Variants in GATB observed in about 807,000 individuals in gnomAD.
GATB encodes glutamyl-tRNA(Gln) amidotransferase subunit B, mitochondrial.
GATB carries 39 observed loss-of-function variants against 62.3 expected under a neutral mutation model. The ratio of observed to expected loss-of-function variants is 0.63; its 90% CI spans 0.48 to 0.82. GATB has a LOEUF of 0.82. Ranked by LOEUF, GATB falls within the 40% of genes least tolerant of loss-of-function variation. GATB has a pLI of 0.00. For synonymous variants in GATB, 276 were observed against 258.9 expected, an observed-to-expected ratio of 1.07 and a Z score of -0.63; for missense variants, 670 against 684.0, an observed-to-expected ratio of 0.98 and a Z score of 0.23.
chr4:151,721,739 C>G (rs1221380484), intron 2 of GATB: 1 of 156,822 alleles, frequency 6.4e-6, no homozygotes, highest in African/African-American at 2.4e-5. Flanking sequence ...GCTTCTTTGC[C>G]CCTGGGACCA....
At chr4:151,751,982 C>T (rs1739729513) in intron 2 of GATB, among the ~76,000 whole-genome samples, 1 of 152,154 alleles carries the variant, frequency 6.6e-6, no homozygotes, top group Non-Finnish European at 1.5e-5. Flanking sequence ...CCAGCAGGTT[C>T]CTGGGGTAAT....
chr4:151,695,930 A>ATTTTTTTTTTTTT (rs57028979), intron 9 of GATB, among the ~76,000 whole-genome samples: 25 of 122,848 alleles, frequency 2.0e-4, no homozygotes, highest in Non-Finnish European at 2.7e-4. Context: ...GCTAATTTAA[A>ATTTTTTTTTTTTT]TTTTTTTTTT....
chr4:151,738,013 G>T (rs1199677007), intron 2 of GATB, among the ~76,000 whole-genome samples: 1 of 152,148 alleles, frequency 6.6e-6, no homozygotes, highest in Non-Finnish European at 1.5e-5. Flanking sequence ...AGAGCCCCCA[G>T]AGCCCCAAGA....
chr4:151,702,780 T>C lies in GATB; in HGVS notation c.1007+1071A>G, dbSNP rs186166566. 1.9e-3 allele frequency among the ~76,000 whole-genome samples: 292 copies of C among 152,316 alleles called. 1 individual carries two copies. The highest frequency in any genetic ancestry group is 0.017 in the Middle Eastern group (5 of 294). On this transcript the variant is annotated intron_variant, in intron 8 of 12. Coordinates refer to ENST00000263985, the MANE Select transcript of GATB (RefSeq NM_004564.3). ...AGCACTAATGGTTACTCTCTGCCCA[T>C]TTTTGTCAAAGGGCTTATGTAGAAA...
chr4:151,699,808 T>C (rs1385780293), intron 9 of GATB, among the ~76,000 whole-genome samples: 1 of 152,162 alleles, frequency 6.6e-6, no homozygotes. Context: ...ATTAATGTTA[T>C]ATATAGTCAA....
Position 151,672,827 on chromosome 4 carries a change from G to C in GATB, c.1480C>G (p.Leu494Val), listed in dbSNP as rs549528028. Residue 494 changes from leucine to valine, a missense_variant, in exon 12 of 13, where the codon CTG (leucine) becomes GTG (valine). By Grantham distance (32) the Leu-to-Val change is conservative. Coordinates refer to ENST00000263985, the MANE Select transcript of GATB (RefSeq NM_004564.3). The part of the protein sequence containing the change: ...GQIVSEKQLE[L>V]MQDQGALEQL... Reference sequence around the variant, plus strand: ...TCCAGTGCCCCCTGGTCCTGCATCAGTTCAAGCTGCTTTTCTGAAACAATC... The same window carrying C: ...TCCAGTGCCCCCTGGTCCTGCATCACTTCAAGCTGCTTTTCTGAAACAATC... 2.5e-6 allele frequency: 4 copies of C among 1,614,206 alleles called. No homozygotes were observed. In the South Asian group the frequency reaches 4.4e-5, roughly 18 times the overall value.
In GATB at chr4:151,680,003, C is replaced by A. The variant is rs187317257; in HGVS notation, c.1332-112G>T. 1.1e-5 allele frequency: 9 copies of A among 846,450 alleles called. No individual in the cohort carries two copies. In the East Asian group the frequency reaches 1.5e-4, roughly 14 times the overall value. 52.4% of individuals were successfully genotyped at this position (846,450 alleles called of 1,614,324 possible). ...CTAGTGGGGGTAAATATCGGACCCA[C>A]GCCTAGGGATGAAAACAGCAGGCCA... is the stretch of plus-strand genomic sequence containing the variant. On this transcript the variant is annotated intron_variant, in intron 10 of 12. Coordinates refer to ENST00000263985, the MANE Select transcript of GATB (RefSeq NM_004564.3).
At chr4:151,673,793 C>T (rs559888173) in intron 11 of GATB, 1 of 152,204 alleles carries the variant, frequency 6.6e-6, no homozygotes, top group Non-Finnish European at 1.5e-5. Context: ...CTCTGTTGGT[C>T]TCCCACCGGT....
intron 2 of GATB, chr4:151,720,694 A>C (rs1369350906): frequency 6.6e-6 from 1 of 152,154 alleles, no homozygotes; most frequent in Non-Finnish European, 1.5e-5. Flanking sequence ...ATTTCAGATT[A>C]AAAAAACAAA....
chr4:151,727,259 C>A (rs147510725), intron 2 of GATB, among the ~76,000 whole-genome samples: 6 of 152,290 alleles, frequency 3.9e-5, no homozygotes, highest in African/African-American at 1.4e-4. Flanking sequence ...ATACTAAGAT[C>A]TGAGATTTAC....
At chr4:151,755,535 T>C (rs1739810059) in intron 2 of GATB, among the ~76,000 whole-genome samples, 1 of 152,246 alleles carries the variant, frequency 6.6e-6, no homozygotes, top group African/African-American at 2.4e-5. Flanking sequence ...GCGAATAAAG[T>C]AGTCAAATTG....
chr4:151,702,194 T>C (rs1295055140), intron 8 of GATB, among the ~76,000 whole-genome samples: 4 of 152,136 alleles, frequency 2.6e-5, no homozygotes, highest in Admixed American at 6.5e-5. Context: ...ATGAGAGCAA[T>C]TTGCTTATTA....
intron 10 of GATB, among the ~76,000 whole-genome samples, chr4:151,686,406 G>A (rs1055148570): frequency 6.6e-6 from 1 of 152,050 alleles, no homozygotes; most frequent in African/African-American, 2.4e-5. Flanking sequence ...ACTTATTTGG[G>A]CAAACAACTG....
At position 151,671,136 on chromosome 4, in the gene GATB, T is replaced by A; in HGVS notation, c.*38A>T. 1 of 1,613,446 alleles carries A rather than the reference T, an allele frequency of 6.2e-7. No individual in the cohort carries two copies. Among genetic ancestry groups the A allele is most frequent in the African/African-American group, 1.3e-5 (1 of 75,044 alleles). ...TCCTGTTCCCAGTCAGGCTGCACTG[T>A]TTGTTGTTGTCCCTTGGGCAAGGGG... On this transcript the variant is annotated 3_prime_UTR_variant, in exon 13 of 13. Coordinates refer to ENST00000263985, the MANE Select transcript of GATB (RefSeq NM_004564.3).
chr4:151,710,754 T>C (rs1186074955), intron 5 of GATB, among the ~76,000 whole-genome samples: 2 of 152,222 alleles, frequency 1.3e-5, no homozygotes, highest in Non-Finnish European at 2.9e-5. Context: ...CATTTGCTGA[T>C]GGCTTCCTTC....
Position 151,671,135 on chromosome 4 carries a change from G to GTT in GATB, c.*37_*38dup. 1.2e-6 allele frequency: 2 copies of GTT among 1,613,128 alleles called. No homozygotes were observed. The highest frequency in any genetic ancestry group is 1.7e-6 in the Non-Finnish European group (2 of 1,179,252). On this transcript the variant is annotated 3_prime_UTR_variant, in exon 13 of 13. Transcript: ENST00000263985. Reference sequence around the variant, plus strand: ...ATCCTGTTCCCAGTCAGGCTGCACTGTTTGTTGTTGTCCCTTGGGCAAGGG... The same window carrying GTT: ...ATCCTGTTCCCAGTCAGGCTGCACTGTTTTTGTTGTTGTCCCTTGGGCAAGGG...
chr4:151,760,917 ACCGTCAAC>A lies in GATB; in HGVS notation c.58_65del (p.Val20TrpfsTer18). 6.2e-7 allele frequency: 1 copy of A among 1,613,942 alleles called. No individual in the cohort carries two copies. The highest frequency in any genetic ancestry group is 1.1e-5 in the South Asian group (1 of 91,016). ...GAGCCCCTCTTCGGTGGCAAGAACC[ACCGTCAAC>A]CCGGGCGAAAGCCCAACGTCTTCCA... On this transcript the variant is annotated frameshift_variant, in exon 1 of 13. Transcript: ENST00000263985. LOFTEE classifies it high-confidence loss of function.
intron 11 of GATB, among the ~76,000 whole-genome samples, chr4:151,678,682 G>A (rs1037334936): frequency 5.9e-5 from 9 of 152,140 alleles, no homozygotes; most frequent in African/African-American, 2.2e-4. Context: ...CGTGCACTAT[G>A]GTGCCTCATA....
intron 5 of GATB, among the ~76,000 whole-genome samples, chr4:151,710,820 G>T (rs1232240384): frequency 1.3e-5 from 2 of 152,266 alleles, no homozygotes; most frequent in Middle Eastern, 3.4e-3. Flanking sequence ...GACGGATACA[G>T]TTTTAAATAC....
Sources: allele counts gnomAD v4.1 joint callset (sites outside exome capture counted in the v4.1 genomes callset), GRCh38; gene constraint gnomAD v4.1.1; transcripts MANE v1.5; gene names NCBI Gene and HGNC (gene_info 2026-07-23, HGNC 2026-07-21).